Variants in SLC5A1 observed in about 807,000 individuals in gnomAD.
The protein encoded by SLC5A1 is solute carrier family 5 member 1, also known as sodium/glucose cotransporter 1.
In SLC5A1, 42 loss-of-function variants were observed where a neutral mutation model predicts 73.5. The observed-to-expected ratio is 0.57, with a 90% CI of 0.45 to 0.74. SLC5A1 has a LOEUF of 0.74. SLC5A1 is among the 30% of genes least tolerant of loss of function. SLC5A1 has a pLI of 0.00. For missense variants in SLC5A1, 634 were observed against 855.4 expected (o/e 0.74, Z 3.23); for synonymous variants, 300 against 317.4 (o/e 0.95, Z 0.58).
chr22:32,049,102 ATATATATATAATCAT>A (rs1266887465), intron 1 of SLC5A1, among the ~76,000 whole-genome samples: 60 of 145,846 alleles, frequency 4.1e-4, no homozygotes, highest in African/African-American at 1.4e-3. Flanking sequence ...ATATATATAT[ATATATATATAATCAT>A]TATATATATA....
intron 1 of SLC5A1, among the ~76,000 whole-genome samples, chr22:32,045,504 G>A (rs1370360492): frequency 6.6e-6 from 1 of 152,162 alleles, no homozygotes; most frequent in East Asian, 1.9e-4. Flanking sequence ...TGATTCAGGG[G>A]TGGCCACTCT....
At chr22:32,060,595 C>T (rs948757870) in intron 2 of SLC5A1, among the ~76,000 whole-genome samples, 8 of 152,090 alleles carry the variant, frequency 5.3e-5, no homozygotes, top group African/African-American at 1.7e-4. Flanking sequence ...GGAGGGGACA[C>T]GGTCTTATTC....
At position 32,110,198 on chromosome 22, in the gene SLC5A1, T is replaced by C. The variant is rs777089574; in HGVS notation, c.1980T>C (p.His660=). The C allele has an allele frequency of 6.2e-7, 1 of 1,613,308 alleles. No individual in the cohort carries two copies. The highest frequency in any genetic ancestry group is 1.1e-5 in the South Asian group (1 of 91,054). Residue 660 remains histidine, a synonymous_variant, in exon 15 of 15, where the codon CAT becomes CAC. Coordinates refer to ENST00000266088, the MANE Select transcript of SLC5A1 (RefSeq NM_000343.4). ...IILVTVAVFC[H]AYFA is the part of the protein sequence containing the mutation. Reference sequence around the variant, plus strand: ...TGGTGACCGTGGCTGTCTTTTGCCATGCATATTTTGCCTGAGTCCTACCTT... The same window carrying C: ...TGGTGACCGTGGCTGTCTTTTGCCACGCATATTTTGCCTGAGTCCTACCTT...
chr22:32,080,605 TG>T (rs1245456598), intron 5 of SLC5A1, among the ~76,000 whole-genome samples: 1 of 152,184 alleles, frequency 6.6e-6, no homozygotes, highest in African/African-American at 2.4e-5. Flanking sequence ...GGGTGCTGTT[TG>T]CGTGCCGTGA....
At chr22:32,088,267 C>T (rs750663300) in intron 10 of SLC5A1, among the ~76,000 whole-genome samples, 3 of 151,884 alleles carry the variant, frequency 2.0e-5, no homozygotes, top group African/African-American at 7.3e-5. Flanking sequence ...GAATAAAATG[C>T]CGTGCTTCCC....
At chr22:32,104,745 T>C in intron 13 of SLC5A1, 41 bp from the exon 14 acceptor site, 1 of 1,523,738 alleles carries the variant, frequency 6.6e-7, no homozygotes, top group Admixed American at 1.7e-5. Context: ...CCCAAGATGC[T>C]ATTTGGATCT....
chr22:32,065,045 T>C (rs865996463), intron 2 of SLC5A1, among the ~76,000 whole-genome samples: 12 of 152,118 alleles, frequency 7.9e-5, no homozygotes, highest in South Asian at 2.1e-4. Flanking sequence ...CTGGGCTCAA[T>C]TGATCCTCCC....
chr22:32,069,077 G>C (rs1404899550), intron 5 of SLC5A1, among the ~76,000 whole-genome samples: 1 of 152,040 alleles, frequency 6.6e-6, no homozygotes, highest in East Asian at 1.9e-4. Flanking sequence ...AATACCACTC[G>C]GCCTTAAAAA....
chr22:32,110,388 A>G lies in SLC5A1; in HGVS notation c.*175A>G. ...AAAACCATTAGTTTGCTGTTAATTT[A>G]TGCATTTGAAGCCAGTGTGATACAG... On this transcript the variant is annotated 3_prime_UTR_variant, in exon 15 of 15. Coordinates refer to ENST00000266088, the MANE Select transcript of SLC5A1 (RefSeq NM_000343.4). The G allele has an allele frequency of 1.5e-6, 1 of 664,202 alleles. No individual in the cohort carries two copies. The allele number at this position is 664,202 out of a possible 1,614,324, so 41.1% of individuals were successfully genotyped here.
chr22:32,059,036 G>A, intron 2 of SLC5A1: 3 of 877,798 alleles, frequency 3.4e-6, no homozygotes, highest in Non-Finnish European at 4.1e-6. Flanking sequence ...TACTCACTCA[G>A]CAGATCTTTA....
At chr22:32,060,192 T>G in intron 2 of SLC5A1, among the ~76,000 whole-genome samples, 1 of 146,974 alleles carries the variant, frequency 6.8e-6, no homozygotes, top group Admixed American at 6.8e-5. Flanking sequence ...CACACATATA[T>G]ATATATATTT....
intron 13 of SLC5A1, among the ~76,000 whole-genome samples, chr22:32,104,378 GCTTCTTAT>G (rs1321617607): frequency 6.6e-6 from 1 of 152,174 alleles, no homozygotes; most frequent in African/African-American, 2.4e-5. Context: ...CATGATTCTA[GCTTCTTAT>G]CCACATAATG....
At chr22:32,066,667 C>G (rs1302855447) in intron 2 of SLC5A1, among the ~76,000 whole-genome samples, 1 of 152,182 alleles carries the variant, frequency 6.6e-6, no homozygotes, top group Non-Finnish European at 1.5e-5. Context: ...GGACACGGGG[C>G]CCACAAAAGA....
chr22:32,086,219 G>GA lies in SLC5A1; in HGVS notation c.1027dup (p.Ile343AsnfsTer10). On this transcript the variant is annotated frameshift_variant and splice_region_variant. Coordinates refer to ENST00000266088, the MANE Select transcript of SLC5A1 (RefSeq NM_000343.4). LOFTEE classifies it high-confidence loss of function. ...TGACGTGGCTCTCCATCTCTTCCCA[G>GA]AAAAAATTGCCTGTGTCGTCCCTTC... is the stretch of plus-strand genomic sequence containing the variant. 1 of 1,608,640 alleles carries GA rather than the reference G, an allele frequency of 6.2e-7. No homozygotes were observed. Among genetic ancestry groups the GA allele is most frequent in the Non-Finnish European group, 8.5e-7 (1 of 1,175,120 alleles).
intron 8 of SLC5A1, 102 bp downstream of exon 8, chr22:32,084,761 C>T: frequency 6.7e-7 from 1 of 1,498,322 alleles, no homozygotes; most frequent in Non-Finnish European, 9.2e-7. Flanking sequence ...GAGGGGAGAG[C>T]TCAGGTGGTT....
At chr22:32,091,153 C>T (rs1344120447) in intron 10 of SLC5A1, among the ~76,000 whole-genome samples, 2 of 147,514 alleles carry the variant, frequency 1.4e-5, no homozygotes, top group African/African-American at 2.5e-5. Flanking sequence ...ATGATTTGCA[C>T]GTATTTTCTC....
intron 10 of SLC5A1, among the ~76,000 whole-genome samples, chr22:32,086,585 T>C (rs557304258): frequency 6.6e-6 from 1 of 152,298 alleles, no homozygotes; most frequent in South Asian, 2.1e-4. Context: ...ATCTGAAAAC[T>C]TGTTAGAGAA....
chr22:32,103,720 C>T (rs2094040374), intron 13 of SLC5A1, among the ~76,000 whole-genome samples: 1 of 152,192 alleles, frequency 6.6e-6, no homozygotes, highest in Admixed American at 6.5e-5. Flanking sequence ...TATAGTTTGC[C>T]TCTTGATTTT....
Position 32,104,242 on chromosome 22 carries a change from C to A in SLC5A1, c.1666-544C>A, listed in dbSNP as rs1335209802. 4.6e-5 allele frequency among the ~76,000 whole-genome samples: 7 copies of A among 152,344 alleles called. No individual in the cohort carries two copies. The South Asian group carries it at 1.4e-3, about 32-fold the overall frequency. ...ATGTCTCAAGTCTTTGAAAGTATTA[C>A]AACCCAAACACATTTCTAGTTGATG... On this transcript the variant is annotated intron_variant, in intron 13 of 14. Transcript: ENST00000266088.
Sources: allele counts gnomAD v4.1 joint callset (sites outside exome capture counted in the v4.1 genomes callset), GRCh38; gene constraint gnomAD v4.1.1; transcripts MANE v1.5; gene names NCBI Gene and HGNC (gene_info 2026-07-23, HGNC 2026-07-21).